Variants in BMP6 observed in about 807,000 individuals in gnomAD.
BMP6 encodes the protein bone morphogenetic protein 6, also known as VG-1-R.
In BMP6, 17 loss-of-function variants were observed where a neutral mutation model predicts 54.1. The observed-to-expected ratio is 0.31, with a 90% confidence interval of 0.22 to 0.47. The LOEUF (loss-of-function observed/expected upper bound fraction) is 0.47, where lower values mean the gene tolerates loss of function less well. Among genes scored for constraint, BMP6 ranks in the 20% least tolerant of loss-of-function variants. BMP6 has a pLI of 1.00. For missense variants in BMP6, 720 were observed against 690.4 expected (o/e 1.04, Z -0.48); for synonymous variants, 328 against 291.2 (o/e 1.13, Z -1.28).
At chr6:7,813,111 ATAT>A (rs1253846039) in intron 1 of BMP6, among the ~76,000 whole-genome samples, 28 of 40,200 alleles carry the variant, frequency 7.0e-4, no homozygotes, top group Admixed American at 1.1e-3. Context: ...AAAAAAAAAT[ATAT>A]ATATATATAT....
chr6:7,756,337 C>G (rs894733804), intron 1 of BMP6, among the ~76,000 whole-genome samples: 2 of 152,074 alleles, frequency 1.3e-5, no homozygotes, highest in Non-Finnish European at 2.9e-5. Flanking sequence ...CTAAAAGTTT[C>G]ATTTACTTAT....
intron 1 of BMP6, among the ~76,000 whole-genome samples, chr6:7,791,633 C>T (rs976679441): frequency 1.3e-5 from 2 of 152,138 alleles, no homozygotes; most frequent in Non-Finnish European, 2.9e-5. Context: ...AACATCACTA[C>T]CTGGAAGTCC....
At chr6:7,756,811 C>T (rs1294402226) in intron 1 of BMP6, among the ~76,000 whole-genome samples, 1 of 152,162 alleles carries the variant, frequency 6.6e-6, no homozygotes, top group East Asian at 1.9e-4. Context: ...AGAACTCTAC[C>T]TAATACTCCA....
intron 1 of BMP6, among the ~76,000 whole-genome samples, chr6:7,797,244 T>G (rs1758204743): frequency 6.6e-6 from 1 of 152,202 alleles, no homozygotes; most frequent in Non-Finnish European, 1.5e-5. Context: ...ATGCTCTATT[T>G]AATGTGTCCC....
chr6:7,861,223 G>C (rs538817689), intron 2 of BMP6, among the ~76,000 whole-genome samples: 4 of 152,030 alleles, frequency 2.6e-5, no homozygotes, highest in Non-Finnish European at 5.9e-5. Context: ...GGTGAAAGCT[G>C]ATTTCTATGA....
intron 1 of BMP6, among the ~76,000 whole-genome samples, chr6:7,738,362 C>T (rs970057395): frequency 6.6e-6 from 1 of 152,202 alleles, no homozygotes; most frequent in East Asian, 1.9e-4. Context: ...TAGGAGGCTG[C>T]GTTTCCAGCT....
At chr6:7,727,834 G>A (rs1209033376) in intron 1 of BMP6, among the ~76,000 whole-genome samples, 2 of 151,398 alleles carry the variant, frequency 1.3e-5, no homozygotes, top group Non-Finnish European at 2.9e-5. Context: ...TGCGCGCCGA[G>A]GCCCCCAGAG....
chr6:7,813,108 A>ATATATATATAT (rs1334488067), intron 1 of BMP6, among the ~76,000 whole-genome samples: 1 of 21,484 alleles, frequency 4.7e-5, no homozygotes, highest in African/African-American at 2.0e-4. Context: ...AAAAAAAAAA[A>ATATATATATAT]ATATATATAT....
intron 4 of BMP6, among the ~76,000 whole-genome samples, chr6:7,868,308 TCCAC>T (rs1387962459): frequency 6.6e-6 from 1 of 152,118 alleles, no homozygotes. Context: ...GATCAAACTG[TCCAC>T]CCCCACCCCA....
intron 1 of BMP6, among the ~76,000 whole-genome samples, chr6:7,817,671 T>C (rs2113219823): frequency 2.0e-5 from 3 of 151,856 alleles, no homozygotes; most frequent in African/African-American, 7.2e-5. Flanking sequence ...CATGTATACA[T>C]ATGTAACAAA....
chr6:7,769,009 G>A (rs1757741612), intron 1 of BMP6, among the ~76,000 whole-genome samples: 1 of 152,120 alleles, frequency 6.6e-6, no homozygotes, highest in Non-Finnish European at 1.5e-5. Flanking sequence ...TTGCATAACA[G>A]CTTTACTGAC....
rs752566872 is a variant in BMP6, at chr6:7,879,096, A to G, written c.1227A>G (p.Lys409=). The G allele has an allele frequency of 1.2e-6, 2 of 1,614,076 alleles. No homozygotes were observed. The highest frequency in any genetic ancestry group is 1.7e-6 in the Non-Finnish European group (2 of 1,180,030). Residue 409 remains lysine, a synonymous_variant, in exon 5 of 7, where the codon AAA becomes AAG. Coordinates refer to ENST00000283147, the MANE Select transcript of BMP6 (RefSeq NM_001718.6). ...SASDYNSSEL[K]TACRKHELYV... ...CAGATTACAACAGCAGTGAATTGAA[A>G]ACAGCCTGCAGGAAGCATGAGCTGT...
intron 2 of BMP6, among the ~76,000 whole-genome samples, chr6:7,853,858 T>A (rs1759183081): frequency 6.6e-6 from 1 of 152,250 alleles, no homozygotes; most frequent in East Asian, 1.9e-4. Context: ...TAGTTTCATC[T>A]TCCTAGTCAA....
intron 2 of BMP6, among the ~76,000 whole-genome samples, chr6:7,851,239 T>C (rs1410976214): frequency 6.6e-6 from 1 of 152,246 alleles, no homozygotes; most frequent in East Asian, 1.9e-4. Flanking sequence ...AATGAGGATT[T>C]CAGTTCAAGA....
Position 7,793,174 on chromosome 6 carries a change from A to G in BMP6, c.665-51966A>G, listed in dbSNP as rs181583731. On this transcript the variant is annotated intron_variant, in intron 1 of 6. Transcript: ENST00000283147. Reference sequence around the variant, plus strand: ...TGGATAAACAAACTGGCACATCCAGACGATGGGCTATTCTTCAGCACTAAA... The same window carrying G: ...TGGATAAACAAACTGGCACATCCAGGCGATGGGCTATTCTTCAGCACTAAA... 5.3e-5 allele frequency among the ~76,000 whole-genome samples: 8 copies of G among 152,260 alleles called. No individual in the cohort carries two copies. In the East Asian group the frequency reaches 1.5e-3, roughly 29 times the overall value.
chr6:7,817,693 T>G (rs1758552195), intron 1 of BMP6, among the ~76,000 whole-genome samples: 1 of 152,028 alleles, frequency 6.6e-6, no homozygotes, highest in South Asian at 2.1e-4. Context: ...CTGCACATTG[T>G]GCACATGTAC....
intron 4 of BMP6, among the ~76,000 whole-genome samples, chr6:7,870,653 G>A (rs1759509969): frequency 6.6e-6 from 1 of 151,928 alleles, no homozygotes; most frequent in Non-Finnish European, 1.5e-5. Context: ...AAAAAAAAAC[G>A]GGTCTCACTC....
At chr6:7,814,584 ATCTC>A (rs995815319) in intron 1 of BMP6, among the ~76,000 whole-genome samples, 12 of 152,052 alleles carry the variant, frequency 7.9e-5, no homozygotes, top group Admixed American at 5.2e-4. Flanking sequence ...TGTAGGAAGT[ATCTC>A]TCTCTACCTT....
intron 1 of BMP6, among the ~76,000 whole-genome samples, chr6:7,821,551 C>T (rs1258674699): frequency 6.6e-6 from 1 of 152,114 alleles, no homozygotes; most frequent in Non-Finnish European, 1.5e-5. Context: ...GGAATGACTC[C>T]TGTAGTTATC....
Sources: allele counts gnomAD v4.1 joint callset (sites outside exome capture counted in the v4.1 genomes callset), GRCh38; gene constraint gnomAD v4.1.1; transcripts MANE v1.5; gene names NCBI Gene and HGNC (gene_info 2026-07-23, HGNC 2026-07-21).